Variants in NCMAP observed in about 807,000 individuals in gnomAD.
NCMAP encodes non-compact myelin associated protein.
In NCMAP, 8 loss-of-function variants were observed where a neutral mutation model predicts 7.8. The observed-to-expected ratio is 1.02, with a 90% CI of 0.60 to 1.84. The LOEUF is 1.84. Ranked by LOEUF, NCMAP falls within the 40% of genes most tolerant of loss-of-function variation. NCMAP has a pLI of 0.00. For synonymous variants in NCMAP, 41 were observed against 52.9 expected (o/e 0.78, Z 0.98); for missense variants, 112 against 131.4 (o/e 0.85, Z 0.72).
chr1:24,575,159 C>T (rs1032049303), intron 1 of NCMAP, among the ~76,000 whole-genome samples: 3 of 151,654 alleles, frequency 2.0e-5, no homozygotes, highest in Non-Finnish European at 2.9e-5. Flanking sequence ...TGCAGTGACC[C>T]GAGATCGTGC....
At chr1:24,601,164 C>T in intron 3 of NCMAP, 140 bp downstream of exon 3, 1 of 658,816 alleles carries the variant, frequency 1.5e-6, no homozygotes, top group Non-Finnish European at 2.7e-6. Context: ...CCTTGGGGAT[C>T]CTTTTTGCAG....
chr1:24,561,639 G>T (rs1000310850), intron 1 of NCMAP, among the ~76,000 whole-genome samples: 1 of 151,846 alleles, frequency 6.6e-6, no homozygotes, highest in Admixed American at 6.5e-5. Context: ...GGCCGGGCGC[G>T]GTGGCTCATG....
At chr1:24,568,270 T>C (rs1651285988) in intron 1 of NCMAP, among the ~76,000 whole-genome samples, 1 of 152,206 alleles carries the variant, frequency 6.6e-6, no homozygotes, top group Admixed American at 6.5e-5. Flanking sequence ...AGAAGCTCAG[T>C]TATATAACTC....
intron 1 of NCMAP, among the ~76,000 whole-genome samples, chr1:24,557,042 A>G (rs543605470): frequency 1.4e-4 from 21 of 152,268 alleles, no homozygotes; most frequent in Admixed American, 3.3e-4. Flanking sequence ...ATAACTCATA[A>G]AGTGTTTAAT....
At chr1:24,597,298 G>A (rs1270099489) in intron 2 of NCMAP, among the ~76,000 whole-genome samples, 1 of 151,882 alleles carries the variant, frequency 6.6e-6, no homozygotes, top group Non-Finnish European at 1.5e-5. Flanking sequence ...CTGAGGTTGG[G>A]AGTTTGAGAC....
In NCMAP at chr1:24,573,902, C is replaced by T. The variant is rs539226980; in HGVS notation, c.-8+17733C>T. Among the ~76,000 whole-genome samples the T allele has an allele frequency of 1.2e-3, 171 of 142,550 alleles. 9 individuals carry two copies. Among genetic ancestry groups the T allele is most frequent in the African/African-American group, 4.5e-3 (161 of 36,004 alleles). The allele number at this position is 142,550 out of a possible 152,430, so 93.5% of individuals were successfully genotyped here. A position where few individuals can be genotyped will look rare whatever the true frequency, so the allele number is the denominator to read the frequency against. On this transcript the variant is annotated intron_variant, in intron 1 of 3. Transcript: ENST00000374392. ...CTGAGTGGACTAGACGGGGAAGATCCGCTCCCAGTGTGGGCGGCACCATGC... is the reference window on the plus strand; with the variant it reads ...CTGAGTGGACTAGACGGGGAAGATCTGCTCCCAGTGTGGGCGGCACCATGC...
chr1:24,562,782 C>T (rs1187613690), intron 1 of NCMAP, among the ~76,000 whole-genome samples: 1 of 152,252 alleles, frequency 6.6e-6, no homozygotes, highest in Non-Finnish European at 1.5e-5. Flanking sequence ...CCCCCACACC[C>T]ACCCCCAGCT....
chr1:24,566,993 A>C (rs887333212), intron 1 of NCMAP, among the ~76,000 whole-genome samples: 1 of 152,140 alleles, frequency 6.6e-6, no homozygotes, highest in Admixed American at 6.5e-5. Context: ...GCAATGTAAA[A>C]GTACAAAGGA....
intron 1 of NCMAP, among the ~76,000 whole-genome samples, chr1:24,575,815 T>G (rs574820547): frequency 1.9e-4 from 28 of 149,228 alleles, no homozygotes; most frequent in South Asian, 1.5e-3. Context: ...CGTGGTGGCA[T>G]GTGCCTGTAA....
chr1:24,595,974 T>C (rs1217683192), intron 2 of NCMAP, among the ~76,000 whole-genome samples: 1 of 152,090 alleles, frequency 6.6e-6, no homozygotes, highest in Non-Finnish European at 1.5e-5. Context: ...AAGTACCTAA[T>C]GATGATGATT....
intron 3 of NCMAP, 52 bp downstream of exon 3, chr1:24,601,076 C>A: frequency 7.0e-7 from 1 of 1,421,240 alleles, no homozygotes; most frequent in Non-Finnish European, 1.0e-6. Context: ...TCAGTGACAT[C>A]AGAATAAATG....
chr1:24,597,656 A>AGAAAGAAAGG lies in NCMAP; in HGVS notation c.82+2144_82+2145insGAAAGAAAGG, dbSNP rs1491402904. ...GAAAGAAAGAAAGAAAGAAAGAAAG[A>AGAAAGAAAGG]AAGAAAGAAAGAAAGAAAAGAAAAA... On this transcript the variant is annotated intron_variant, in intron 2 of 3. Transcript: ENST00000374392. 3.0e-3 allele frequency among the ~76,000 whole-genome samples: 416 copies of AGAAAGAAAGG among 136,596 alleles called. 10 individuals carry two copies. Among genetic ancestry groups the AGAAAGAAAGG allele is most frequent in the Middle Eastern group, 0.013 (3 of 232 alleles). 89.6% of individuals were successfully genotyped at this position (136,596 alleles called of 152,430 possible). A position where few individuals can be genotyped will look rare whatever the true frequency, so the allele number is the denominator to read the frequency against.
Position 24,576,026 on chromosome 1 carries a change from C to T in NCMAP, c.-7-19398C>T, listed in dbSNP as rs2148929282. On this transcript the variant is annotated intron_variant, in intron 1 of 3. Coordinates refer to ENST00000374392, the MANE Select transcript of NCMAP (RefSeq NM_001010980.5). The surrounding 1 kb of genome is among the most constrained non-coding windows in gnomAD (Gnocchi z 4.0). Reference sequence around the variant, plus strand: ...TTAGTGAAGGAGTCAGAACTAGCTCCCTCATCCTGATCCTCTCTGCACAGC... The same window carrying T: ...TTAGTGAAGGAGTCAGAACTAGCTCTCTCATCCTGATCCTCTCTGCACAGC... Among the ~76,000 whole-genome samples, 1 of 152,170 alleles carries T rather than the reference C, an allele frequency of 6.6e-6. No homozygotes were observed. The highest frequency in any genetic ancestry group is 1.9e-4 in the East Asian group (1 of 5,184).
chr1:24,599,222 G>A (rs1652370350), intron 2 of NCMAP, among the ~76,000 whole-genome samples: 1 of 148,480 alleles, frequency 6.7e-6, no homozygotes, highest in Non-Finnish European at 1.5e-5. Context: ...AGAGGATGCA[G>A]TGAGCTGAGA....
chr1:24,584,440 T>C (rs1324158129), intron 1 of NCMAP, among the ~76,000 whole-genome samples: 1 of 152,224 alleles, frequency 6.6e-6, no homozygotes, highest in South Asian at 2.1e-4. Flanking sequence ...TCTGCAGGTC[T>C]TGGGTTAGAA....
rs1651657143 is a variant in NCMAP at position 24,578,560 on chromosome 1, C to CTTTCTT, written c.-7-16861_-7-16860insCTTTTT. 1.8e-3 allele frequency among the ~76,000 whole-genome samples: 191 copies of CTTTCTT among 107,382 alleles called. 1 individual carries two copies. Among genetic ancestry groups the CTTTCTT allele is most frequent in the African/African-American group, 7.8e-3 (179 of 23,022 alleles). 70.4% of individuals were successfully genotyped at this position (107,382 alleles called of 152,430 possible). On this transcript the variant is annotated intron_variant, in intron 1 of 3. Coordinates refer to ENST00000374392, the MANE Select transcript of NCMAP (RefSeq NM_001010980.5). ...AGCTTAGTTTTCTTTTTCTTTCTTT[C>CTTTCTT]TTTTTTTTTTTTTTTTTTTTGAGAC...
chr1:24,568,288 A>C (rs1651286477), intron 1 of NCMAP, among the ~76,000 whole-genome samples: 1 of 152,234 alleles, frequency 6.6e-6, no homozygotes, highest in Non-Finnish European at 1.5e-5. Context: ...CTCAGAGTTG[A>C]CACAGCAGGA....
chr1:24,575,193 A>G (rs2148929001), intron 1 of NCMAP, among the ~76,000 whole-genome samples: 1 of 152,114 alleles, frequency 6.6e-6, no homozygotes, highest in Admixed American at 6.5e-5. Flanking sequence ...CCTGGGCGAC[A>G]GAGTGAGACT....
At chr1:24,603,076 TAAATA>T (rs1652564379) in intron 3 of NCMAP, among the ~76,000 whole-genome samples, 1 of 151,832 alleles carries the variant, frequency 6.6e-6, no homozygotes, top group Non-Finnish European at 1.5e-5. Context: ...AAATAAATAA[TAAATA>T]AAATAAAAGT....
Sources: gnomAD v4.1 joint callset for allele counts (sites outside exome capture counted in the v4.1 genomes callset) on GRCh38, gnomAD v4.1.1 for gene constraint, Gnocchi (gnomAD v3.1) non-coding constraint, MANE v1.5 for transcripts, NCBI Gene and HGNC (gene_info 2026-07-23, HGNC 2026-07-21) for gene names.